The following AGBL1 variants were observed in gnomAD, a reference collection of about 807,000 sequenced individuals.
AGBL1 encodes AGBL carboxypeptidase 1.
A neutral mutation model predicts 118.9 loss-of-function variants in AGBL1; 130 were observed. The ratio of observed to expected loss-of-function variants is 1.09; its 90% CI spans 0.95 to 1.26. The LOEUF is 1.26. AGBL1 is among the 50% of genes most tolerant of loss of function. AGBL1 has a pLI of 0.00. For missense variants in AGBL1, 1,584 were observed against 1,298.1 expected (o/e 1.22, Z -3.38); for synonymous variants, 555 against 478.9 (o/e 1.16, Z -2.08).
chr15:86,924,565 T>C (rs1030535852), intron 23 of AGBL1, among the ~76,000 whole-genome samples: 1 of 152,198 alleles, frequency 6.6e-6, no homozygotes, highest in Admixed American at 6.5e-5. Context: ...TCTCAGCTTA[T>C]TCTCTGTTTG....
intron 22 of AGBL1, among the ~76,000 whole-genome samples, chr15:86,688,692 T>A (rs2086107000): frequency 6.6e-6 from 1 of 152,178 alleles, no homozygotes; most frequent in South Asian, 2.1e-4. Context: ...CCTGATTTTA[T>A]TATAGCTTTA....
At chr15:86,517,354 T>C (rs2083134221) in intron 18 of AGBL1, among the ~76,000 whole-genome samples, 1 of 152,234 alleles carries the variant, frequency 6.6e-6, no homozygotes, top group Admixed American at 6.5e-5. Context: ...GGGTTGGGAC[T>C]AGAGTTTCTA....
chr15:86,575,602 T>A (rs1736954159), intron 21 of AGBL1, among the ~76,000 whole-genome samples: 1 of 152,094 alleles, frequency 6.6e-6, no homozygotes, highest in Non-Finnish European at 1.5e-5. Flanking sequence ...AAAAAATTAT[T>A]TTTAGAGACA....
At chr15:86,315,012 T>C (rs1436155149) in intron 17 of AGBL1, among the ~76,000 whole-genome samples, 1 of 152,190 alleles carries the variant, frequency 6.6e-6, no homozygotes, top group Non-Finnish European at 1.5e-5. Context: ...CCTAAGGTTG[T>C]GGTGAGGATT....
intron 5 of AGBL1, among the ~76,000 whole-genome samples, chr15:86,189,675 C>T (rs1462935502): frequency 6.6e-6 from 1 of 152,114 alleles, no homozygotes; most frequent in Admixed American, 6.6e-5. Flanking sequence ...TTCTGGCTCC[C>T]CTTCACCTCT....
At chr15:86,669,803 T>C (rs2085709177) in intron 21 of AGBL1, among the ~76,000 whole-genome samples, 1 of 152,192 alleles carries the variant, frequency 6.6e-6, no homozygotes, top group South Asian at 2.1e-4. Flanking sequence ...GTTTACATTT[T>C]CCTGGCAAAC....
At chr15:86,600,962 T>C (rs1352848236) in intron 21 of AGBL1, among the ~76,000 whole-genome samples, 5 of 152,174 alleles carry the variant, frequency 3.3e-5, no homozygotes, top group African/African-American at 1.2e-4. Context: ...TCTGACATTT[T>C]CCAAGGGTCC....
At chr15:86,979,792 T>C (rs1017110285) in intron 23 of AGBL1, among the ~76,000 whole-genome samples, 1 of 152,016 alleles carries the variant, frequency 6.6e-6, no homozygotes, top group Non-Finnish European at 1.5e-5. Flanking sequence ...CGTGAGCCAC[T>C]GCGCCCGGCC....
intron 5 of AGBL1, among the ~76,000 whole-genome samples, chr15:86,180,851 G>A (rs953139139): frequency 6.6e-5 from 10 of 151,988 alleles, no homozygotes; most frequent in South Asian, 2.1e-4. Context: ...AATTAAAAAT[G>A]GACAAAAGAT....
rs962844971 is a variant in AGBL1, at chr15:86,266,425, A to C, written c.1719A>C (p.Ile573=). Residue 573 remains isoleucine, a synonymous_variant, in exon 12 of 23, where the codon ATA becomes ATC. Transcript: ENST00000614907. ...IRRLIQPSDV[I]NKVVFSLDEP... ...GGCTCATCCAGCCAAGTGATGTTAT[A>C]AATAAAGTTGTCTTCAGTTTAGATG... The C allele has an allele frequency of 6.3e-7, 1 of 1,576,966 alleles. No homozygotes were observed. Among genetic ancestry groups the C allele is most frequent in the Non-Finnish European group, 8.6e-7 (1 of 1,159,476 alleles).
chr15:86,612,528 T>C (rs1290722263), intron 21 of AGBL1, among the ~76,000 whole-genome samples: 1 of 151,858 alleles, frequency 6.6e-6, no homozygotes, highest in African/African-American at 2.4e-5. Flanking sequence ...AAAACAGAGA[T>C]CTTAAGACTG....
At chr15:86,722,884 C>G (rs568900990) in intron 22 of AGBL1, among the ~76,000 whole-genome samples, 23 of 152,234 alleles carry the variant, frequency 1.5e-4, no homozygotes, top group African/African-American at 4.8e-4. Context: ...ATTTATGCAG[C>G]CAAAAGACAC....
chr15:86,633,881 TATATATATATATA>T (rs1344615264), intron 21 of AGBL1, among the ~76,000 whole-genome samples: 2 of 7,920 alleles, frequency 2.5e-4, no homozygotes, highest in Non-Finnish European at 8.4e-4. Context: ...ATATAATGTA[TATATATATATATA>T]ATGTATATAT....
chr15:86,850,948 T>G (rs902868780), intron 22 of AGBL1, among the ~76,000 whole-genome samples: 1 of 152,230 alleles, frequency 6.6e-6, no homozygotes, highest in African/African-American at 2.4e-5. Flanking sequence ...ATGCCCATTT[T>G]ATTGATAAAG....
intron 22 of AGBL1, among the ~76,000 whole-genome samples, chr15:86,731,656 A>C (rs78987541): frequency 7.9e-5 from 12 of 152,336 alleles, no homozygotes; most frequent in Non-Finnish European, 1.3e-4. Flanking sequence ...AAAGATAGAG[A>C]GAGGAAGAAG....
intron 17 of AGBL1, among the ~76,000 whole-genome samples, chr15:86,375,898 G>A (rs887509875): frequency 1.3e-5 from 2 of 152,234 alleles, no homozygotes; most frequent in Non-Finnish European, 2.9e-5. Flanking sequence ...GCTAGGCAGG[G>A]CTCATGTTGG....
intron 23 of AGBL1, among the ~76,000 whole-genome samples, chr15:86,978,237 A>T (rs2081194435): frequency 6.6e-6 from 1 of 152,180 alleles, no homozygotes; most frequent in Non-Finnish European, 1.5e-5. Context: ...ACAAGACTAA[A>T]AAAAGAATAC....
chr15:86,217,631 G>T (rs568678418), intron 5 of AGBL1, among the ~76,000 whole-genome samples: 1 of 152,318 alleles, frequency 6.6e-6, no homozygotes, highest in South Asian at 2.1e-4. Context: ...TAAAGTATGA[G>T]ATACAGGTAA....
chr15:86,400,181 TATC>T (rs1238170766), intron 18 of AGBL1, among the ~76,000 whole-genome samples: 2 of 152,140 alleles, frequency 1.3e-5, no homozygotes, highest in African/African-American at 4.8e-5. Flanking sequence ...CTCTGTTGTG[TATC>T]ATCAGGTGGA....
Sources: gnomAD v4.1 joint callset for allele counts (sites outside exome capture counted in the v4.1 genomes callset) on GRCh38, gnomAD v4.1.1 for gene constraint, MANE v1.5 for transcripts, NCBI Gene and HGNC (gene_info 2026-07-23, HGNC 2026-07-21) for gene names.